EZR: variants seen among roughly 807,000 people sequenced by gnomAD.
The protein encoded by EZR is ezrin.
A neutral mutation model predicts 74.8 loss-of-function variants in EZR; 40 were observed. The observed-to-expected ratio is 0.53, with a 90% CI of 0.42 to 0.70. The LOEUF (loss-of-function observed/expected upper bound fraction) is 0.70. Among genes scored for constraint, EZR ranks in the 30% least tolerant of loss-of-function variants. EZR has a pLI of 0.00. For synonymous variants in EZR, 341 were observed against 283.3 expected (o/e 1.20, Z -2.05); for missense variants, 678 against 755.8 (o/e 0.90, Z 1.21).
chr6:158,793,470 AAG>A (rs1791795128), intron 2 of EZR, among the ~76,000 whole-genome samples: 1 of 152,122 alleles, frequency 6.6e-6, no homozygotes, highest in South Asian at 2.1e-4. Context: ...GATTGAAGAG[AAG>A]ATACTCAAAA....
In EZR at chr6:158,769,330, T is replaced by C. The variant is rs2128564122; in HGVS notation, c.1340A>G (p.His447Arg). ...GTGTCCCCCGTGCAGACTCACCCTG[T>C]GCTGCCACTCTTCAACTTCATCCTC... is the stretch of plus-strand genomic sequence containing the variant. Reference protein sequence around the residue: ...RKEDEVEEWQHRAKEAQDDLV... With the variant: ...RKEDEVEEWQRRAKEAQDDLV... Residue 447 changes from histidine to arginine, a missense_variant, in exon 12 of 14, where the codon CAC becomes CGC. By Grantham distance (29) the His-to-Arg change is conservative. Coordinates refer to ENST00000367075, the MANE Select transcript of EZR (RefSeq NM_001111077.2). 6.2e-7 allele frequency: 1 copy of C among 1,609,368 alleles called. No homozygotes were observed. The highest frequency in any genetic ancestry group is 8.5e-7 in the Non-Finnish European group (1 of 1,179,974).
chr6:158,785,164 G>T, intron 5 of EZR, 145 bp downstream of exon 5: 1 of 1,021,382 alleles, frequency 9.8e-7, no homozygotes, highest in Non-Finnish European at 1.4e-6. Flanking sequence ...TCAGGTCGCT[G>T]GTCAGTGACT....
At chr6:158,793,222 GAA>G (rs906140069) in intron 2 of EZR, among the ~76,000 whole-genome samples, 1 of 151,518 alleles carries the variant, frequency 6.6e-6, no homozygotes, top group African/African-American at 2.4e-5. Flanking sequence ...CAGCCTGAAT[GAA>G]AGAGTGAGAT....
At chr6:158,799,911 A>G (rs1777155430) in intron 2 of EZR, among the ~76,000 whole-genome samples, 1 of 152,248 alleles carries the variant, frequency 6.6e-6, no homozygotes, top group South Asian at 2.1e-4. Context: ...TGAAGCGAAC[A>G]TCTTTCTTAC....
At chr6:158,811,875 C>CAAAAAAAAAAAA (rs58499377) in intron 2 of EZR, among the ~76,000 whole-genome samples, 187 of 140,668 alleles carry the variant, frequency 1.3e-3, no homozygotes, top group African/African-American at 4.7e-3. Context: ...ACCCTGTTTC[C>CAAAAAAAAAAAA]AAAAAAAAAA....
chr6:158,819,324 C>T lies in EZR; in HGVS notation c.-81G>A, dbSNP rs1777640893. Reference sequence around the variant, plus strand: ...GGCCGCCGCACGCCTCACCCGGCGCCTGCAGTGCTCCGTGTGCTCCCCGCC... The same window carrying T: ...GGCCGCCGCACGCCTCACCCGGCGCTTGCAGTGCTCCGTGTGCTCCCCGCC... On this transcript the variant is annotated 5_prime_UTR_variant, in exon 1 of 14. Transcript: ENST00000367075. 1 of 152,760 alleles carries T rather than the reference C, an allele frequency of 6.5e-6. No individual in the cohort carries two copies. The highest frequency in any genetic ancestry group is 1.5e-5 in the Non-Finnish European group (1 of 68,116). 9.5% of individuals were successfully genotyped at this position (152,760 alleles called of 1,614,324 possible).
At chr6:158,806,435 C>A (rs1777340882) in intron 2 of EZR, among the ~76,000 whole-genome samples, 1 of 151,546 alleles carries the variant, frequency 6.6e-6, no homozygotes, top group Non-Finnish European at 1.5e-5. Context: ...TCCACACTCT[C>A]TTTTCAGCTT....
chr6:158,804,396 G>A (rs3123127), intron 2 of EZR, among the ~76,000 whole-genome samples: 1 of 152,106 alleles, frequency 6.6e-6, no homozygotes, highest in East Asian at 1.9e-4. Flanking sequence ...AAAGAGAAAG[G>A]GACCTTGAAC....
At chr6:158,781,857 A>G (rs1327058025) in intron 7 of EZR, among the ~76,000 whole-genome samples, 1 of 151,240 alleles carries the variant, frequency 6.6e-6, no homozygotes, top group Non-Finnish European at 1.5e-5. Flanking sequence ...TCTGCCTCCC[A>G]GGCTCAAGTG....
intron 7 of EZR, among the ~76,000 whole-genome samples, chr6:158,778,180 G>A (rs896686718): frequency 3.3e-5 from 5 of 152,150 alleles, no homozygotes; most frequent in African/African-American, 9.7e-5. Flanking sequence ...TCCAAGCTCC[G>A]GAGGCTCCGC....
chr6:158,771,021 GC>G, intron 9 of EZR, 127 bp from the exon 10 acceptor site: 1 of 1,430,052 alleles, frequency 7.0e-7, no homozygotes, highest in Non-Finnish European at 9.5e-7. Flanking sequence ...CTAGCCTGCT[GC>G]CAGCCTGAGC....
At chr6:158,777,098 G>T (rs938357462) in intron 7 of EZR, among the ~76,000 whole-genome samples, 10 of 152,152 alleles carry the variant, frequency 6.6e-5, no homozygotes, top group African/African-American at 2.4e-4. Flanking sequence ...TAACATACAG[G>T]CTCTTCTGCT....
chr6:158,808,922 G>GTT (rs1777396903), intron 2 of EZR, among the ~76,000 whole-genome samples: 4 of 152,192 alleles, frequency 2.6e-5, no homozygotes, highest in Admixed American at 6.5e-5. Flanking sequence ...GAGGCCAGGT[G>GTT]TTTGAGACCA....
At chr6:158,808,917 CAG>C (rs1777396755) in intron 2 of EZR, among the ~76,000 whole-genome samples, 1 of 152,272 alleles carries the variant, frequency 6.6e-6, no homozygotes, top group Admixed American at 6.5e-5. Flanking sequence ...GGCTTGAGGC[CAG>C]GTGTTTGAGA....
At chr6:158,786,150 G>T (rs1391376531) in intron 4 of EZR, among the ~76,000 whole-genome samples, 1 of 152,070 alleles carries the variant, frequency 6.6e-6, no homozygotes, top group African/African-American at 2.4e-5. Context: ...GAGGTGGGCG[G>T]ACCACGAGGT....
chr6:158,780,869 A>C (rs1791416388), intron 7 of EZR, among the ~76,000 whole-genome samples: 1 of 152,082 alleles, frequency 6.6e-6, no homozygotes, highest in Non-Finnish European at 1.5e-5. Context: ...TTATACTCCC[A>C]CCTATTCCAA....
chr6:158,770,755 G>GT lies in EZR; in HGVS notation c.1090+8_1090+9insA. 1 of 1,614,092 alleles carries GT rather than the reference G, an allele frequency of 6.2e-7. No homozygotes were observed. The highest frequency in any genetic ancestry group is 2.2e-5 in the East Asian group (1 of 44,892). On this transcript the variant is annotated intron_variant, in intron 10 of 13. Coordinates refer to ENST00000367075, the MANE Select transcript of EZR (RefSeq NM_001111077.2). ...CCCAGTGTAGAGTGCCAGCCCCAGG[G>GT]CGCCTGACCTCTCTCTGCCTTCTTT...
At chr6:158,812,340 T>C (rs191279436) in intron 2 of EZR, among the ~76,000 whole-genome samples, 27 of 152,218 alleles carry the variant, frequency 1.8e-4, no homozygotes, top group Admixed American at 3.3e-4. Context: ...AAGGAATATA[T>C]AATAACTGCC....
intron 4 of EZR, 80 bp from the exon 5 acceptor site, chr6:158,785,663 A>T (rs545683526): frequency 6.5e-7 from 1 of 1,535,670 alleles, no homozygotes; most frequent in East Asian, 2.3e-5. Flanking sequence ...TCTAACCAAG[A>T]CTCAATGGGG....
Sources: allele counts gnomAD v4.1 joint callset (sites outside exome capture counted in the v4.1 genomes callset), GRCh38; gene constraint gnomAD v4.1.1; transcripts MANE v1.5; gene names NCBI Gene and HGNC (gene_info 2026-07-23, HGNC 2026-07-21).